RBMS3: variants seen among roughly 807,000 people sequenced by gnomAD.
The protein encoded by RBMS3 is RNA binding motif single stranded interacting protein 3, also known as RNA-binding motif, single-stranded-interacting protein 3.
Under a neutral mutation model 66.8 loss-of-function variants are expected in RBMS3, and 27 were observed. That is an observed-to-expected ratio of 0.40 (90% CI 0.30 to 0.56). RBMS3 has a LOEUF of 0.56. Ranked by LOEUF, RBMS3 falls within the 20% of genes least tolerant of loss-of-function variation. RBMS3 has a pLI of 0.40. For missense variants in RBMS3, 513 were observed against 549.5 expected, an observed-to-expected ratio of 0.93 and a Z score of 0.66; for synonymous variants, 188 against 183.0, an observed-to-expected ratio of 1.03 and a Z score of -0.22.
Position 29,784,301 on chromosome 3 carries a change from A to G in RBMS3, c.637+21312A>G, listed in dbSNP as rs555399457. 1.1e-4 allele frequency among the ~76,000 whole-genome samples: 17 copies of G among 152,254 alleles called. No individual in the cohort carries two copies. The South Asian group carries it at 3.3e-3, about 30-fold the overall frequency. ...AAGATAGACCACAAAGCAAGTCTCA[A>G]TACATTTAAGAAAATTGAAATTATA... On this transcript the variant is annotated intron_variant, in intron 6 of 14. Coordinates refer to ENST00000383767, the MANE Select transcript of RBMS3 (RefSeq NM_001003793.3).
chr3:29,907,659 T>G (rs1047925729), intron 10 of RBMS3, among the ~76,000 whole-genome samples: 5 of 152,126 alleles, frequency 3.3e-5, no homozygotes, highest in Non-Finnish European at 7.4e-5. Context: ...TTTATTATCT[T>G]GGCATCAGTT....
At chr3:29,503,060 G>T (rs867480694) in intron 3 of RBMS3, among the ~76,000 whole-genome samples, 1 of 152,102 alleles carries the variant, frequency 6.6e-6, no homozygotes, top group Admixed American at 6.6e-5. Flanking sequence ...CTTGCGTGTA[G>T]TTGTGGAGAA....
intron 10 of RBMS3, among the ~76,000 whole-genome samples, chr3:29,918,248 G>C (rs887560158): frequency 6.6e-6 from 1 of 151,984 alleles, no homozygotes. Context: ...GGATTCTTCT[G>C]TATATGAAAG....
intron 3 of RBMS3, among the ~76,000 whole-genome samples, chr3:29,511,004 A>G (rs1406008031): frequency 6.6e-6 from 1 of 152,222 alleles, no homozygotes; most frequent in Non-Finnish European, 1.5e-5. Flanking sequence ...GATTAAAATA[A>G]AAAGTTAATT....
At chr3:29,421,621 A>G (rs2040740000) in intron 1 of RBMS3, among the ~76,000 whole-genome samples, 1 of 152,198 alleles carries the variant, frequency 6.6e-6, no homozygotes, top group South Asian at 2.1e-4. Flanking sequence ...TGTGTATTCT[A>G]AGAATGACTT....
intron 4 of RBMS3, among the ~76,000 whole-genome samples, chr3:29,595,445 A>G (rs1020442446): frequency 2.6e-5 from 4 of 151,698 alleles, no homozygotes; most frequent in African/African-American, 9.7e-5. Context: ...AAACATCAAC[A>G]CTTTCAAACT....
intron 6 of RBMS3, among the ~76,000 whole-genome samples, chr3:29,787,644 CA>C (rs1318359495): frequency 6.6e-6 from 1 of 151,990 alleles, no homozygotes; most frequent in African/African-American, 2.4e-5. Context: ...TATGAGGATG[CA>C]AAGGCATAAG....
intron 5 of RBMS3, among the ~76,000 whole-genome samples, chr3:29,753,044 A>C (rs796498464): frequency 2.6e-5 from 4 of 152,332 alleles, no homozygotes; most frequent in African/African-American, 9.6e-5. Flanking sequence ...TATTTTACAA[A>C]GAGTTTCAAA....
At chr3:29,583,626 C>A (rs749001896) in intron 3 of RBMS3, among the ~76,000 whole-genome samples, 2 of 152,036 alleles carry the variant, frequency 1.3e-5, no homozygotes, top group Non-Finnish European at 2.9e-5. Flanking sequence ...AGGGGAGGAT[C>A]CTTGTCTGGC....
chr3:29,385,330 C>A (rs2038966192), intron 1 of RBMS3, among the ~76,000 whole-genome samples: 1 of 152,140 alleles, frequency 6.6e-6, no homozygotes, highest in South Asian at 2.1e-4. Context: ...TTTGTCCACT[C>A]CCATTTCTGA....
At chr3:29,787,398 C>A (rs1020299146) in intron 6 of RBMS3, among the ~76,000 whole-genome samples, 4 of 152,074 alleles carry the variant, frequency 2.6e-5, no homozygotes, top group Admixed American at 2.0e-4. Flanking sequence ...TTTATAGCAG[C>A]AAAATTTTCA....
intron 8 of RBMS3, among the ~76,000 whole-genome samples, chr3:29,890,094 T>C (rs2059963875): frequency 6.6e-6 from 1 of 151,712 alleles, no homozygotes; most frequent in South Asian, 2.1e-4. Flanking sequence ...TTATAGCTAA[T>C]TGATCTTATT....
At chr3:29,646,699 T>G (rs552333889) in intron 4 of RBMS3, among the ~76,000 whole-genome samples, 1 of 152,146 alleles carries the variant, frequency 6.6e-6, no homozygotes, top group South Asian at 2.1e-4. Context: ...AACTACAGTT[T>G]TCCCTTCTCA....
chr3:29,844,245 GT>G (rs1281620490), intron 6 of RBMS3, among the ~76,000 whole-genome samples: 1 of 151,002 alleles, frequency 6.6e-6, no homozygotes, highest in Non-Finnish European at 1.5e-5. Context: ...TTTTTGTTGT[GT>G]TTTGTTTTGT....
At position 29,809,265 on chromosome 3, in the gene RBMS3, A is replaced by G. The variant is rs1326544838; in HGVS notation, c.637+46276A>G. On this transcript the variant is annotated intron_variant, in intron 6 of 14. Transcript: ENST00000383767. Reference sequence around the variant, plus strand: ...TTGTTATTTTGCTGTCCTTATTATAATAAGGACTACAACTACATAGAAATG... The same window carrying G: ...TTGTTATTTTGCTGTCCTTATTATAGTAAGGACTACAACTACATAGAAATG... Among the ~76,000 whole-genome samples the G allele has an allele frequency of 2.6e-5, 4 of 151,622 alleles. No homozygotes were observed. In the East Asian group the frequency reaches 7.7e-4, roughly 29 times the overall value.
chr3:29,912,910 G>C (rs2060550869), intron 10 of RBMS3, among the ~76,000 whole-genome samples: 1 of 151,866 alleles, frequency 6.6e-6, no homozygotes, highest in African/African-American at 2.4e-5. Flanking sequence ...AGATTGTTCA[G>C]TTTGTGCCAG....
chr3:29,786,832 T>C lies in RBMS3; in HGVS notation c.637+23843T>C, dbSNP rs1188686085. Among the ~76,000 whole-genome samples, 3 of 151,924 alleles carry C rather than the reference T, an allele frequency of 2.0e-5. No homozygotes were observed. The East Asian group carries it at 5.8e-4, about 29-fold the overall frequency. On this transcript the variant is annotated intron_variant, in intron 6 of 14. Coordinates refer to ENST00000383767, the MANE Select transcript of RBMS3 (RefSeq NM_001003793.3). ...AAAGCAAATGCAACAAAAATAAAAA[T>C]AAATAGATGGGATTTAATTAAACTA...
chr3:29,476,262 G>T (rs1321410624), intron 2 of RBMS3, among the ~76,000 whole-genome samples: 1 of 152,162 alleles, frequency 6.6e-6, no homozygotes, highest in Non-Finnish European at 1.5e-5. Context: ...TTAAAAGATT[G>T]TGCATGACCC....
At chr3:29,521,835 C>T (rs1416632885) in intron 3 of RBMS3, among the ~76,000 whole-genome samples, 1 of 152,132 alleles carries the variant, frequency 6.6e-6, no homozygotes, top group African/African-American at 2.4e-5. Flanking sequence ...ATCCAGAAAG[C>T]CTAACTCTGG....
Sources: allele counts gnomAD v4.1 joint callset (sites outside exome capture counted in the v4.1 genomes callset), GRCh38; gene constraint gnomAD v4.1.1; transcripts MANE v1.5; gene names NCBI Gene and HGNC (gene_info 2026-07-23, HGNC 2026-07-21).